The following LRRC4C variants were observed in gnomAD, a reference collection of about 807,000 sequenced individuals.
LRRC4C encodes leucine-rich repeat-containing protein 4C.
Under a neutral mutation model 33.6 loss-of-function variants are expected in LRRC4C, and 5 were observed. The observed-to-expected ratio is 0.15, with a 90% confidence interval of 0.08 to 0.31. The LOEUF is 0.31. Ranked by LOEUF, LRRC4C falls within the 10% of genes least tolerant of loss-of-function variation. LRRC4C has a pLI of 1.00. For synonymous variants in LRRC4C, 329 were observed against 302.0 expected (o/e 1.09, Z -0.93); for missense variants, 560 against 796.7 (o/e 0.70, Z 3.58).
chr11:41,239,321 C>CAAAAA (rs56018613), intron 1 of LRRC4C, among the ~76,000 whole-genome samples: 11 of 55,178 alleles, frequency 2.0e-4, no homozygotes, highest in Non-Finnish European at 2.1e-4. Context: ...GACTCTGTCT[C>CAAAAA]AAAAAAAAAA....
intron 1 of LRRC4C, among the ~76,000 whole-genome samples, chr11:41,113,879 G>T (rs1340672556): frequency 6.6e-6 from 1 of 151,808 alleles, no homozygotes; most frequent in African/African-American, 2.4e-5. Flanking sequence ...CAGAATAGAA[G>T]GTACATGCAA....
intron 1 of LRRC4C, among the ~76,000 whole-genome samples, chr11:41,263,752 G>T (rs962395010): frequency 3.3e-5 from 5 of 152,034 alleles, no homozygotes; most frequent in African/African-American, 1.2e-4. Flanking sequence ...AGTACTTATT[G>T]ACTGAGACCA....
chr11:40,420,918 A>G (rs575884410), intron 3 of LRRC4C, among the ~76,000 whole-genome samples: 3 of 152,370 alleles, frequency 2.0e-5, no homozygotes, highest in East Asian at 3.9e-4. Flanking sequence ...ACTCACCACC[A>G]TTAACACTAC....
chr11:40,754,017 C>T (rs530935216), intron 2 of LRRC4C, among the ~76,000 whole-genome samples: 102 of 151,982 alleles, frequency 6.7e-4, no homozygotes, highest in African/African-American at 2.4e-3. Flanking sequence ...TATATACACA[C>T]ACACATTCTG....
chr11:40,533,008 G>C (rs765389139), intron 3 of LRRC4C, among the ~76,000 whole-genome samples: 1 of 151,982 alleles, frequency 6.6e-6, no homozygotes, highest in African/African-American at 2.4e-5. Flanking sequence ...TCACTATCAC[G>C]AGAACAGCAA....
intron 2 of LRRC4C, among the ~76,000 whole-genome samples, chr11:40,860,905 T>C (rs1408306208): frequency 1.3e-5 from 2 of 149,062 alleles, no homozygotes; most frequent in African/African-American, 5.0e-5. Flanking sequence ...ATTTTGGAAC[T>C]AGAAAGTAGC....
At chr11:41,103,213 A>AT in intron 1 of LRRC4C, among the ~76,000 whole-genome samples, 1 of 152,068 alleles carries the variant, frequency 6.6e-6, no homozygotes, top group South Asian at 2.1e-4. Flanking sequence ...TTTTCCTAAT[A>AT]TTGGTAATGA....
rs191674729 is a variant in LRRC4C at position 41,293,848 on chromosome 11, C to T, written c.-496+165583G>A. 5.9e-5 allele frequency among the ~76,000 whole-genome samples: 9 copies of T among 152,214 alleles called. No individual in the cohort carries two copies. In the East Asian group the frequency reaches 9.7e-4, roughly 16 times the overall value. On this transcript the variant is annotated intron_variant, in intron 1 of 6. Transcript: ENST00000528697. ...TTGACCTCAGGTGATCCACCTGCCT[C>T]GGCCTCCCAACATGCAGGGATTACA...
chr11:40,242,841 A>C (rs577723496), intron 4 of LRRC4C, among the ~76,000 whole-genome samples: 1 of 152,222 alleles, frequency 6.6e-6, no homozygotes, highest in Non-Finnish European at 1.5e-5. Flanking sequence ...TATTATGACA[A>C]GCTTGAACAA....
chr11:40,738,369 C>T (rs1205753004), intron 2 of LRRC4C, among the ~76,000 whole-genome samples: 2 of 152,000 alleles, frequency 1.3e-5, no homozygotes, highest in South Asian at 2.1e-4. Context: ...ATCACATGAG[C>T]CAATTCTCCA....
At chr11:41,451,591 G>C (rs574913959) in intron 1 of LRRC4C, among the ~76,000 whole-genome samples, 51 of 152,156 alleles carry the variant, frequency 3.4e-4, no homozygotes, top group African/African-American at 1.2e-3. Flanking sequence ...ACAGGTCAAG[G>C]ATAAAGAAAG....
intron 1 of LRRC4C, among the ~76,000 whole-genome samples, chr11:41,001,905 T>C (rs12802852): frequency 0.032 from 4,859 of 151,864 alleles, 119 homozygotes; most frequent in Non-Finnish European, 0.051. Context: ...CTACCGACAC[T>C]GTAGATATTT....
chr11:41,058,040 G>A lies in LRRC4C; in HGVS notation c.-495-124317C>T, dbSNP rs560551838. ...GCGTACCTCATTCTTCCTTTTCACA[G>A]GACAAGAACTTGGGACCCACTGAAT... On this transcript the variant is annotated intron_variant, in intron 1 of 6. Transcript: ENST00000528697. Among the ~76,000 whole-genome samples the A allele has an allele frequency of 2.4e-4, 36 of 152,282 alleles. No homozygotes were observed. In the South Asian group the frequency reaches 4.6e-3, roughly 19 times the overall value.
intron 1 of LRRC4C, among the ~76,000 whole-genome samples, chr11:41,115,953 G>GAC (rs1942100114): frequency 6.6e-6 from 1 of 152,058 alleles, no homozygotes; most frequent in Non-Finnish European, 1.5e-5. Context: ...TGTTCCAAAG[G>GAC]TGAGTCCAGC....
intron 2 of LRRC4C, among the ~76,000 whole-genome samples, chr11:40,656,631 G>C (rs1943131806): frequency 1.3e-5 from 2 of 152,104 alleles, no homozygotes; most frequent in Non-Finnish European, 1.5e-5. Flanking sequence ...CAAACCTTCT[G>C]TTCCTTTCCA....
intron 3 of LRRC4C, among the ~76,000 whole-genome samples, chr11:40,575,870 T>C (rs1249362484): frequency 6.6e-6 from 1 of 152,162 alleles, no homozygotes; most frequent in African/African-American, 2.4e-5. Context: ...ATGGGTTGTG[T>C]AATGTGTATG....
intron 1 of LRRC4C, among the ~76,000 whole-genome samples, chr11:41,105,830 G>T (rs1941459892): frequency 6.6e-6 from 1 of 152,044 alleles, no homozygotes; most frequent in Non-Finnish European, 1.5e-5. Flanking sequence ...CTGTATAAAG[G>T]AAGGGAATGC....
intron 1 of LRRC4C, among the ~76,000 whole-genome samples, chr11:41,275,096 C>T (rs114872421): frequency 1.6e-3 from 243 of 152,272 alleles, no homozygotes; most frequent in African/African-American, 5.7e-3. Context: ...TGCTCCCTCT[C>T]GCCATGAGAT....
At chr11:40,982,340 C>G (rs1852604216) in intron 1 of LRRC4C, among the ~76,000 whole-genome samples, 1 of 152,116 alleles carries the variant, frequency 6.6e-6, no homozygotes, top group Non-Finnish European at 1.5e-5. Flanking sequence ...GAATGTTAAG[C>G]AAAAATTGGT....
Sources: allele counts gnomAD v4.1 joint callset (sites outside exome capture counted in the v4.1 genomes callset), GRCh38; gene constraint gnomAD v4.1.1; transcripts MANE v1.5; gene names NCBI Gene and HGNC (gene_info 2026-07-23, HGNC 2026-07-21).